The following TRIM32 variants were observed in gnomAD, a reference collection of about 807,000 sequenced individuals.
TRIM32 encodes E3 ubiquitin-protein ligase TRIM32.
Under a neutral mutation model 36.0 loss-of-function variants are expected in TRIM32, and 19 were observed. That is an observed-to-expected ratio of 0.53 (90% CI 0.37 to 0.77). The LOEUF is 0.77. TRIM32 is among the 30% of genes least tolerant of loss of function. TRIM32 has a pLI of 0.00. For synonymous variants in TRIM32, 309 were observed against 318.5 expected, an observed-to-expected ratio of 0.97 and a Z score of 0.32; for missense variants, 747 against 845.2, an observed-to-expected ratio of 0.88 and a Z score of 1.44.
chr9:116,696,408 GA>G (rs1339868411), intron 1 of TRIM32, among the ~76,000 whole-genome samples: 13 of 152,060 alleles, frequency 8.5e-5, no homozygotes, highest in Non-Finnish European at 1.5e-5. Context: ...TTTAAAGGTG[GA>G]GAAAATAAAA....
At chr9:116,697,313 G>C in intron 1 of TRIM32, 1 of 210,868 alleles carries the variant, frequency 4.7e-6, no homozygotes, top group Non-Finnish European at 9.8e-6. Context: ...TATTTATCTT[G>C]TTACTTAGCC....
Position 116,698,736 on chromosome 9 carries a change from G to T in TRIM32, c.994G>T (p.Val332Leu), listed in dbSNP as rs764186649. The change falls in exon 2 of 2, where the codon GTG becomes TTG. Residue 332 changes from valine to leucine, a missense_variant. Physicochemically the swap from Val to Leu is conservative, Grantham distance 32. Transcript: ENST00000450136. This position sits in a 1 kb window ranked among gnomAD's most constrained non-coding sequence, Gnocchi z 4.4. Reference protein sequence around the residue: ...FREMDMSPEEVVASPRASPAK... With the variant: ...FREMDMSPEELVASPRASPAK... ...AGAGATGGACATGAGCCCGGAGGAAGTGGTTGCCAGCCCTAGGGCCTCACC... is the reference window on the plus strand; with the variant it reads ...AGAGATGGACATGAGCCCGGAGGAATTGGTTGCCAGCCCTAGGGCCTCACC... 1 of 1,614,066 alleles carries T rather than the reference G, an allele frequency of 6.2e-7. No homozygotes were observed. Among genetic ancestry groups the T allele is most frequent in the South Asian group, 1.1e-5 (1 of 91,092 alleles).
Position 116,700,807 on chromosome 9 carries a change from T to C in TRIM32, c.*1103T>C, listed in dbSNP as rs1265045711. ...GGAATTTTGGAGATGATAAGAGGGA[T>C]AACCTGCGCTATGCCATTTTGCTTC... On this transcript the variant is annotated 3_prime_UTR_variant, in exon 2 of 2. Coordinates refer to ENST00000450136, the MANE Select transcript of TRIM32 (RefSeq NM_012210.4). 1 of 166,956 alleles carries C rather than the reference T, an allele frequency of 6.0e-6. No homozygotes were observed. Among genetic ancestry groups the C allele is most frequent in the Non-Finnish European group, 1.5e-5 (1 of 68,120 alleles). The allele number at this position is 166,956 out of a possible 1,614,324, so 10.3% of individuals were successfully genotyped here.
rs1057521228 is a variant in TRIM32, at chr9:116,698,441, G to T, written c.699G>T (p.Val233=). The part of the protein sequence containing the change: ...EQSYLLNIAE[V]QAVSRCDYFL... The stretch of plus-strand genomic sequence containing the variant: ...GTTACCTGCTTAACATTGCAGAGGT[G>T]CAGGCTGTGTCTCGCTGTGACTACT... Residue 233 remains valine (V), a synonymous_variant, in exon 2 of 2, where the codon GTG becomes GTT. Coordinates refer to ENST00000450136, the MANE Select transcript of TRIM32 (RefSeq NM_012210.4). The surrounding 1 kb of genome is among the most constrained non-coding windows in gnomAD (Gnocchi z 4.4). 14 of 1,614,130 alleles carry T rather than the reference G, an allele frequency of 8.7e-6. No homozygotes were observed. The South Asian group carries it at 1.4e-4, about 16-fold the overall frequency.
chr9:116,698,654 A>G lies in TRIM32; in HGVS notation c.912A>G (p.Glu304=). The part of the protein sequence containing the change: ...AVKKPRTVNV[E]DSWAMEATAS... ...AGAAGCCCCGGACAGTTAACGTGGAAGATTCCTGGGCCATGGAGGCCACAG... is the reference window on the plus strand; with the variant it reads ...AGAAGCCCCGGACAGTTAACGTGGAGGATTCCTGGGCCATGGAGGCCACAG... Residue 304 remains glutamate, a synonymous_variant, in exon 2 of 2, where the codon GAA becomes GAG. Transcript: ENST00000450136. This position sits in a 1 kb window ranked among gnomAD's most constrained non-coding sequence, Gnocchi z 4.4. 6.2e-7 allele frequency: 1 copy of G among 1,614,174 alleles called. No homozygotes were observed. The highest frequency in any genetic ancestry group is 8.5e-7 in the Non-Finnish European group (1 of 1,180,016).
Position 116,699,033 on chromosome 9 carries a change from C to T in TRIM32, c.1291C>T (p.Pro431Ser). 6.2e-7 allele frequency: 1 copy of T among 1,614,182 alleles called. No homozygotes were observed. Among genetic ancestry groups the T allele is most frequent in the African/African-American group, 1.3e-5 (1 of 75,058 alleles). Reference protein sequence around the residue: ...FLGADLPNLTPLSVAMNCQGL... With the variant: ...FLGADLPNLTSLSVAMNCQGL... Reference sequence around the variant, plus strand: ...TGGGGCAGATCTACCCAACCTCACTCCTCTCTCAGTGGCAATGAACTGCCA... The same window carrying T: ...TGGGGCAGATCTACCCAACCTCACTTCTCTCTCAGTGGCAATGAACTGCCA... The change falls in exon 2 of 2, where the codon CCT becomes TCT. Residue 431 changes from proline to serine, a missense_variant. Coordinates refer to ENST00000450136, the MANE Select transcript of TRIM32 (RefSeq NM_012210.4). This position sits in a 1 kb window ranked among gnomAD's most constrained non-coding sequence, Gnocchi z 4.2.
chr9:116,689,679 A>G (rs1011272762), intron 1 of TRIM32, among the ~76,000 whole-genome samples: 1 of 152,196 alleles, frequency 6.6e-6, no homozygotes, highest in Admixed American at 6.5e-5. Flanking sequence ...GAGGATTGCC[A>G]GTGAGTATCA....
At chr9:116,693,898 T>G (rs1260054727) in intron 1 of TRIM32, among the ~76,000 whole-genome samples, 1 of 152,212 alleles carries the variant, frequency 6.6e-6, no homozygotes, top group Admixed American at 6.5e-5. Context: ...AGACGGGCTC[T>G]ATCTGCCTGT....
rs752860146 is a variant in TRIM32, at chr9:116,699,390, T to C, written c.1648T>C (p.Phe550Leu). Residue 550 changes from phenylalanine (F) to leucine (L), a missense_variant, in exon 2 of 2, where the codon TTT (phenylalanine) becomes CTT (leucine). Transcript: ENST00000450136. The surrounding 1 kb of genome is among the most constrained non-coding windows in gnomAD (Gnocchi z 4.2). ...RQNEHHLEGG[F>L]SIGSVGPDGQ... ...GAATGAGCACCACCTGGAGGGTGGC[T>C]TTTCCATTGGCTCTGTAGGCCCTGA... The C allele has an allele frequency of 3.1e-5, 50 of 1,614,032 alleles. No homozygotes were observed. Among genetic ancestry groups the C allele is most frequent in the Non-Finnish European group, 4.2e-5 (50 of 1,180,024 alleles).
In TRIM32 at chr9:116,698,125, A is replaced by C. The variant is rs1458407145; in HGVS notation, c.383A>C (p.His128Pro). The change falls in exon 2 of 2, where the codon CAT becomes CCT. Residue 128 changes from histidine (H) to proline (P), a missense_variant. His to Pro is a moderately conservative substitution (Grantham distance 77, BLOSUM62 -2). Transcript: ENST00000450136. The surrounding 1 kb of genome is among the most constrained non-coding windows in gnomAD (Gnocchi z 4.4). ...VLCEPCREAD[H>P]QPPGHCTLPV... Reference sequence around the variant, plus strand: ...TGTGAGCCCTGCCGGGAGGCAGACCATCAGCCTCCTGGCCACTGTACACTC... The same window carrying C: ...TGTGAGCCCTGCCGGGAGGCAGACCCTCAGCCTCCTGGCCACTGTACACTC... 1.2e-6 allele frequency: 2 copies of C among 1,614,122 alleles called. No homozygotes were observed. The highest frequency in any genetic ancestry group is 2.2e-5 in the South Asian group (2 of 91,080).
At position 116,699,844 on chromosome 9, in the gene TRIM32, T is replaced by C. The variant is rs533209692; in HGVS notation, c.*140T>C. 1.1e-4 allele frequency: 127 copies of C among 1,137,796 alleles called. No individual in the cohort carries two copies. In the African/African-American group the frequency reaches 1.8e-3, roughly 16 times the overall value. 70.5% of individuals were successfully genotyped at this position (1,137,796 alleles called of 1,614,324 possible). On this transcript the variant is annotated 3_prime_UTR_variant, in exon 2 of 2. Transcript: ENST00000450136. The surrounding 1 kb of genome is among the most constrained non-coding windows in gnomAD (Gnocchi z 4.2). The stretch of plus-strand genomic sequence containing the variant: ...TAGTTCTAGAACTTCAGAAGCTCCA[T>C]CTTTTAATGTTTTTATTTGTTATGT...
At position 116,697,891 on chromosome 9, in the gene TRIM32, A is replaced by C; in HGVS notation, c.149A>C (p.Lys50Thr). ...GHTICRQCLE[K>T]LLASSINGVR... ...ACCATCTGCCGCCAGTGCCTGGAGA[A>C]GCTATTGGCCAGTAGCATCAATGGT... The change falls in exon 2 of 2, where the codon AAG (lysine) becomes ACG (threonine). Residue 50 changes from lysine to threonine, a missense_variant. Coordinates refer to ENST00000450136, the MANE Select transcript of TRIM32 (RefSeq NM_012210.4). 1.2e-5 allele frequency: 19 copies of C among 1,614,192 alleles called. No individual in the cohort carries two copies. Among genetic ancestry groups the C allele is most frequent in the Non-Finnish European group, 1.6e-5 (19 of 1,180,034 alleles).
Position 116,697,984 on chromosome 9 carries a change from C to T in TRIM32, c.242C>T (p.Thr81Ile). 1 of 1,614,222 alleles carries T rather than the reference C, an allele frequency of 6.2e-7. No homozygotes were observed. Among genetic ancestry groups the T allele is most frequent in the Non-Finnish European group, 8.5e-7 (1 of 1,180,048 alleles). ...TTGACCCAGCTGACAGACAATCTGA[C>T]AGTGCTAAAGATCATTGATACAGCT... ...TSLTQLTDNL[T>I]VLKIIDTAGL... Residue 81 changes from threonine to isoleucine, a missense_variant, in exon 2 of 2, where the codon ACA (threonine) becomes ATA (isoleucine). Thr to Ile is a moderately conservative substitution (Grantham distance 89). Coordinates refer to ENST00000450136, the MANE Select transcript of TRIM32 (RefSeq NM_012210.4).
In TRIM32 at chr9:116,699,510, A is replaced by T. The variant is rs768741902; in HGVS notation, c.1768A>T (p.Ile590Phe). 1.9e-6 allele frequency: 3 copies of T among 1,613,322 alleles called. No individual in the cohort carries two copies. Residue 590 changes from isoleucine to phenylalanine, a missense_variant, in exon 2 of 2, where the codon ATC (isoleucine) becomes TTC (phenylalanine). Ile to Phe is a conservative substitution (Grantham distance 21, BLOSUM62 0). Transcript: ENST00000450136. The surrounding 1 kb of genome is among the most constrained non-coding windows in gnomAD (Gnocchi z 4.2). ...GTGTGTGGATGCTCGTGGTGATCTC[A>T]TCGTGGCTGACAGTAGTCGCAAGGA... ...GMCVDARGDL[I>F]VADSSRKEIL...
intron 1 of TRIM32, among the ~76,000 whole-genome samples, chr9:116,692,784 C>T (rs1354872867): frequency 6.6e-6 from 1 of 152,088 alleles, no homozygotes; most frequent in African/African-American, 2.4e-5. Flanking sequence ...CCTTTTCTTC[C>T]CCTTTTGCCC....
Position 116,687,326 on chromosome 9 carries a change from G to T in TRIM32, c.-137G>T. ...GGGTGCTCAACGGCGCGTGCGCAGA[G>T]GGAGGCAGGCGGGTGGGCTGCCGGC... On this transcript the variant is annotated 5_prime_UTR_variant, in exon 1 of 2. In the 5' UTR this introduces an upstream ATG that the reference lacks. Coordinates refer to ENST00000450136, the MANE Select transcript of TRIM32 (RefSeq NM_012210.4). 1.0e-6 allele frequency: 1 copy of T among 969,180 alleles called. No homozygotes were observed. Among genetic ancestry groups the T allele is most frequent in the Non-Finnish European group, 1.2e-6 (1 of 815,062 alleles). 60.0% of individuals were successfully genotyped at this position (969,180 alleles called of 1,614,324 possible).
Position 116,697,682 on chromosome 9 carries a change from G to A in TRIM32, c.-61G>A, listed in dbSNP as rs1860934819. The stretch of plus-strand genomic sequence containing the variant: ...TTTAGCAGGAATTTGACCCTCTAGG[G>A]CATGAATACTGTGCTGTTCAGTTCT... On this transcript the variant is annotated 5_prime_UTR_variant, in exon 2 of 2. Coordinates refer to ENST00000450136, the MANE Select transcript of TRIM32 (RefSeq NM_012210.4). 6.2e-7 allele frequency: 1 copy of A among 1,604,676 alleles called. No individual in the cohort carries two copies. The highest frequency in any genetic ancestry group is 8.5e-7 in the Non-Finnish European group (1 of 1,175,474).
rs749146435 is a variant in TRIM32, at chr9:116,699,312, G to C, written c.1570G>C (p.Glu524Gln). 6.2e-7 allele frequency: 1 copy of C among 1,614,084 alleles called. No homozygotes were observed. The highest frequency in any genetic ancestry group is 8.5e-7 in the Non-Finnish European group (1 of 1,180,046). Residue 524 changes from glutamate to glutamine, a missense_variant, in exon 2 of 2, where the codon GAG (glutamate) becomes CAG (glutamine). By Grantham distance (29) the Glu-to-Gln change is conservative (BLOSUM62 2). Coordinates refer to ENST00000450136, the MANE Select transcript of TRIM32 (RefSeq NM_012210.4). The surrounding 1 kb of genome is among the most constrained non-coding windows in gnomAD (Gnocchi z 4.2). Reference protein sequence around the residue: ...VRPKFVTCDAEGTVYFTQGLG... With the variant: ...VRPKFVTCDAQGTVYFTQGLG... Reference sequence around the variant, plus strand: ...GCCCAAATTTGTCACCTGTGATGCTGAGGGCACCGTCTACTTCACCCAGGG... The same window carrying C: ...GCCCAAATTTGTCACCTGTGATGCTCAGGGCACCGTCTACTTCACCCAGGG...
chr9:116,695,358 T>A lies in TRIM32; in HGVS notation c.-81-2304T>A, dbSNP rs3789308. The stretch of plus-strand genomic sequence containing the variant: ...TATAATAGGCACTAGATGCATAGTT[T>A]CCCTTGCAGTACAAAGGAAGTGGGA... On this transcript the variant is annotated intron_variant, in intron 1 of 1. Coordinates refer to ENST00000450136, the MANE Select transcript of TRIM32 (RefSeq NM_012210.4). Among the ~76,000 whole-genome samples the A allele has an allele frequency of 0.019, 2,899 of 152,312 alleles. 396 individuals carry two copies. The South Asian group carries it at 0.29, about 15-fold the overall frequency.
Sources: allele counts gnomAD v4.1 joint callset (sites outside exome capture counted in the v4.1 genomes callset), GRCh38; gene constraint gnomAD v4.1.1; non-coding constraint Gnocchi (gnomAD v3.1); transcripts MANE v1.5; gene names NCBI Gene and HGNC (gene_info 2026-07-23, HGNC 2026-07-21).